MTA1: variants seen among roughly 807,000 people sequenced by gnomAD.
MTA1 encodes metastasis associated 1.
In MTA1, 15 loss-of-function variants were observed where a neutral mutation model predicts 97.0. The ratio of observed to expected loss-of-function variants is 0.15; its 90% CI spans 0.10 to 0.24. The LOEUF is 0.24. Among genes scored for constraint, MTA1 ranks in the 10% least tolerant of loss-of-function variants. MTA1 has a pLI of 1.00. For missense variants in MTA1, 709 were observed against 1,015.1 expected (o/e 0.70, Z 4.10); for synonymous variants, 435 against 417.5 (o/e 1.04, Z -0.51).
In MTA1 at chr14:105,459,076, C is replaced by G. The variant is rs587708729; in HGVS notation, c.653+704C>G. Among the ~76,000 whole-genome samples the G allele has an allele frequency of 4.4e-3, 591 of 135,608 alleles. 3 individuals are homozygous for G. Among genetic ancestry groups the G allele is most frequent in the Middle Eastern group, 0.011 (3 of 264 alleles). The allele number at this position is 135,608 out of a possible 152,430, so 89.0% of individuals were successfully genotyped here. ...GGGAGCTGTGTGCCTGGGGGGAGTC[C>G]GTGCTGCCCATGGCCCCTGGTCCCT... is the stretch of plus-strand genomic sequence containing the variant. On this transcript the variant is annotated intron_variant, in intron 8 of 20. Coordinates refer to ENST00000331320, the MANE Select transcript of MTA1 (RefSeq NM_004689.4).
chr14:105,467,471 G>A lies in MTA1; in HGVS notation c.1813+729G>A, dbSNP rs1374329108. 8.8e-6 allele frequency: 4 copies of A among 455,992 alleles called. No homozygotes were observed. The Admixed American group carries it at 9.4e-5, about 11-fold the overall frequency. 28.2% of individuals were successfully genotyped at this position (455,992 alleles called of 1,614,324 possible). A position where few individuals can be genotyped will look rare whatever the true frequency, so the allele number is the denominator to read the frequency against. On this transcript the variant is annotated intron_variant, in intron 18 of 20. Coordinates refer to ENST00000331320, the MANE Select transcript of MTA1 (RefSeq NM_004689.4). The stretch of plus-strand genomic sequence containing the variant: ...GCCCAGCCAACCCTGTCCCCTTGGG[G>A]CATTCTCTCGAGGCTGCTGGGTGTC...
At position 105,470,274 on chromosome 14, in the gene MTA1, AGCCAGCCCGCC is replaced by A; in HGVS notation, c.*63_*73del. The A allele has an allele frequency of 8.6e-7, 1 of 1,163,686 alleles. No individual in the cohort carries two copies. The highest frequency in any genetic ancestry group is 1.0e-6 in the Non-Finnish European group (1 of 955,374). The allele number at this position is 1,163,686 out of a possible 1,614,324, so 72.1% of individuals were successfully genotyped here. ...TCGCCCGCCCACACGGCCCCTTCCC[AGCCAGCCCGCC>A]GCCCGCCCCTCAGTTTGGTAGTGCC... On this transcript the variant is annotated 3_prime_UTR_variant, in exon 21 of 21. Coordinates refer to ENST00000331320, the MANE Select transcript of MTA1 (RefSeq NM_004689.4).
chr14:105,421,808 C>T (rs976415857), intron 1 of MTA1, among the ~76,000 whole-genome samples: 1 of 152,226 alleles, frequency 6.6e-6, no homozygotes, highest in African/African-American at 2.4e-5. Flanking sequence ...CCCACACAGG[C>T]TTGGGAGGAG....
intron 13 of MTA1, 49 bp from the exon 14 acceptor site, chr14:105,464,367 C>A (rs782554610): frequency 1.2e-6 from 2 of 1,603,410 alleles, no homozygotes; most frequent in Non-Finnish European, 1.7e-6. Context: ...ACTCTGACAT[C>A]GCTGGTTCTG....
Position 105,458,495 on chromosome 14 carries a change from C to T in MTA1, c.653+123C>T, listed in dbSNP as rs2083238459. 2.7e-5 allele frequency: 23 copies of T among 855,038 alleles called. No homozygotes were observed. In the South Asian group the frequency reaches 3.0e-4, roughly 11 times the overall value. The allele number at this position is 855,038 out of a possible 1,614,324, so 53.0% of individuals were successfully genotyped here. Reference sequence around the variant, plus strand: ...CCCATATCCCAACAAGAAGCCCATGCGCTGCAGCCCTGAGACCCCCGGTAG... The same window carrying T: ...CCCATATCCCAACAAGAAGCCCATGTGCTGCAGCCCTGAGACCCCCGGTAG... On this transcript the variant is annotated intron_variant, in intron 8 of 20. Coordinates refer to ENST00000331320, the MANE Select transcript of MTA1 (RefSeq NM_004689.4).
chr14:105,421,813 G>A (rs1338302975), intron 1 of MTA1, among the ~76,000 whole-genome samples: 1 of 152,340 alleles, frequency 6.6e-6, no homozygotes, highest in East Asian at 1.9e-4. Flanking sequence ...ACAGGCTTGG[G>A]AGGAGCCCTT....
At chr14:105,439,494 G>A (rs2082436521) in intron 2 of MTA1, among the ~76,000 whole-genome samples, 2 of 152,342 alleles carry the variant, frequency 1.3e-5, no homozygotes, top group South Asian at 4.1e-4. Flanking sequence ...GGGAGACAGA[G>A]CCGTAGATGG....
intron 6 of MTA1, among the ~76,000 whole-genome samples, chr14:105,453,692 T>G (rs2083031965): frequency 6.6e-6 from 1 of 151,808 alleles, no homozygotes; most frequent in African/African-American, 2.4e-5. Context: ...GCACCTGTAA[T>G]CCCAGCTACT....
At chr14:105,452,850 C>G (rs989848246) in intron 6 of MTA1, among the ~76,000 whole-genome samples, 1 of 152,190 alleles carries the variant, frequency 6.6e-6, no homozygotes, top group Admixed American at 6.5e-5. Context: ...AAAGAAAACA[C>G]GCAGAGTAGC....
At chr14:105,447,543 G>A (rs1466653478) in intron 3 of MTA1, among the ~76,000 whole-genome samples, 1 of 152,226 alleles carries the variant, frequency 6.6e-6, no homozygotes, top group African/African-American at 2.4e-5. Context: ...TCAGAGGGCA[G>A]GTTTTCCAGA....
intron 18 of MTA1, chr14:105,467,072 C>T: frequency 2.1e-6 from 1 of 485,124 alleles, no homozygotes; most frequent in Non-Finnish European, 3.7e-6. Flanking sequence ...CGTGGGGCCG[C>T]CCGTGCTGTG....
At chr14:105,462,728 GTGTGTTGAGAGGTGCC>G (rs1418493300) in intron 10 of MTA1, among the ~76,000 whole-genome samples, 1 of 152,104 alleles carries the variant, frequency 6.6e-6, no homozygotes, top group Non-Finnish European at 1.5e-5. Flanking sequence ...AATTAGCCGG[GTGTGTTGAGAGGTGCC>G]TGTAGTCCCA....
intron 5 of MTA1, 38 bp downstream of exon 5, chr14:105,450,222 T>C: frequency 6.2e-7 from 1 of 1,610,148 alleles, no homozygotes; most frequent in South Asian, 1.1e-5. Flanking sequence ...CCCCTCGGGC[T>C]GCCCTCGCCT....
At chr14:105,432,469 G>T (rs1393310467) in intron 1 of MTA1, among the ~76,000 whole-genome samples, 1 of 152,090 alleles carries the variant, frequency 6.6e-6, no homozygotes, top group Non-Finnish European at 1.5e-5. Flanking sequence ...TCAAACTCCT[G>T]ACCTCATGAT....
At chr14:105,458,431 T>G in intron 8 of MTA1, 59 bp downstream of exon 8, 6 of 1,465,136 alleles carry the variant, frequency 4.1e-6, no homozygotes, top group Non-Finnish European at 4.8e-6. Flanking sequence ...CTGTTCTCCC[T>G]TCCCTGTGGT....
chr14:105,444,106 G>A (rs2082633462), intron 2 of MTA1, among the ~76,000 whole-genome samples: 1 of 151,494 alleles, frequency 6.6e-6, no homozygotes, highest in Admixed American at 6.6e-5. Context: ...GGGTGCGGTG[G>A]CTCACGCCTG....
At chr14:105,441,211 C>T (rs1362239739) in intron 2 of MTA1, among the ~76,000 whole-genome samples, 2 of 152,176 alleles carry the variant, frequency 1.3e-5, no homozygotes, top group South Asian at 2.1e-4. Flanking sequence ...ACAGTTCGTG[C>T]GGGGGCTGGA....
At chr14:105,445,891 T>C in intron 3 of MTA1, 1 of 352,168 alleles carries the variant, frequency 2.8e-6, no homozygotes, top group Non-Finnish European at 5.5e-6. Flanking sequence ...TGTCTCTCTC[T>C]TTTTAATTTT....
chr14:105,455,115 A>G (rs1420468141), intron 7 of MTA1, among the ~76,000 whole-genome samples: 1 of 152,120 alleles, frequency 6.6e-6, no homozygotes, highest in Non-Finnish European at 1.5e-5. Flanking sequence ...CATGTTGCCC[A>G]GGTTGGTCTC....
Sources: allele counts gnomAD v4.1 joint callset (sites outside exome capture counted in the v4.1 genomes callset), GRCh38; gene constraint gnomAD v4.1.1; transcripts MANE v1.5; gene names NCBI Gene and HGNC (gene_info 2026-07-23, HGNC 2026-07-21).